Variants in PRKCB observed in about 807,000 individuals in gnomAD.
PRKCB encodes the protein protein kinase C beta type.
PRKCB carries 13 observed loss-of-function variants against 81.5 expected under a neutral mutation model. The ratio of observed to expected loss-of-function variants is 0.16; its 90% CI spans 0.10 to 0.25. PRKCB has a LOEUF of 0.25. Among genes scored for constraint, PRKCB ranks in the 10% least tolerant of loss-of-function variants. The pLI is 1.00. For synonymous variants in PRKCB, 335 were observed against 321.4 expected (o/e 1.04, Z -0.45); for missense variants, 509 against 875.7 (o/e 0.58, Z 5.29).
intron 16 of PRKCB, among the ~76,000 whole-genome samples, chr16:24,213,514 T>A (rs914359811): frequency 1.3e-5 from 2 of 152,132 alleles, no homozygotes; most frequent in African/African-American, 4.8e-5. Context: ...ATTGGGAAGA[T>A]TAAATAAGGT....
intron 5 of PRKCB, among the ~76,000 whole-genome samples, chr16:24,076,394 AG>A (rs1238853935): frequency 4.6e-5 from 7 of 152,178 alleles, no homozygotes; most frequent in African/African-American, 1.7e-4. Flanking sequence ...TGGAGCAAAA[AG>A]GGGGCCTTAT....
intron 2 of PRKCB, among the ~76,000 whole-genome samples, chr16:23,910,722 T>A (rs1963638591): frequency 6.6e-6 from 1 of 152,206 alleles, no homozygotes; most frequent in Non-Finnish European, 1.5e-5. Context: ...TCAGTGGTTT[T>A]AAACATATTT....
chr16:23,878,679 C>A (rs1039825658), intron 2 of PRKCB, among the ~76,000 whole-genome samples: 6 of 152,168 alleles, frequency 3.9e-5, no homozygotes, highest in Non-Finnish European at 4.4e-5. Flanking sequence ...CATGAAAGAA[C>A]CTTGAGTATG....
chr16:23,886,516 G>A (rs985300026), intron 2 of PRKCB, among the ~76,000 whole-genome samples: 5 of 142,148 alleles, frequency 3.5e-5, no homozygotes, highest in Admixed American at 1.5e-4. Flanking sequence ...GGGTTCAACC[G>A]ATTCTTCTGC....
At chr16:24,009,987 A>C (rs1237177189) in intron 3 of PRKCB, among the ~76,000 whole-genome samples, 1 of 152,190 alleles carries the variant, frequency 6.6e-6, no homozygotes, top group African/African-American at 2.4e-5. Context: ...TGGGTAACAG[A>C]GCAAGACTCC....
At chr16:24,051,661 G>T (rs111480271) in intron 5 of PRKCB, among the ~76,000 whole-genome samples, 3 of 151,568 alleles carry the variant, frequency 2.0e-5, no homozygotes, top group Non-Finnish European at 1.5e-5. Flanking sequence ...ATCACTTGAG[G>T]CAAGGAGTTT....
chr16:24,141,091 T>C lies in PRKCB; in HGVS notation c.1066-13593T>C, dbSNP rs534908041. Among the ~76,000 whole-genome samples, 9 of 152,376 alleles carry C rather than the reference T, an allele frequency of 5.9e-5. No individual in the cohort carries two copies. In the South Asian group the frequency reaches 1.9e-3, roughly 32 times the overall value. On this transcript the variant is annotated intron_variant, in intron 9 of 16. Transcript: ENST00000643927. ...TAAGCTGTTAACATGCCTTATGTCA[T>C]GAAATCATCATCATGGCCCTACTAA...
At chr16:23,922,283 G>A (rs1331231162) in intron 2 of PRKCB, among the ~76,000 whole-genome samples, 1 of 152,222 alleles carries the variant, frequency 6.6e-6, no homozygotes, top group African/African-American at 2.4e-5. Flanking sequence ...GAATTGAATA[G>A]TGGGTGTTTT....
intron 5 of PRKCB, 64 bp from the exon 6 acceptor site, chr16:24,092,727 G>T: frequency 6.8e-7 from 1 of 1,476,810 alleles, no homozygotes; most frequent in South Asian, 1.3e-5. Context: ...TTCTGCAGCT[G>T]TCACTGCTTG....
At position 24,145,766 on chromosome 16, in the gene PRKCB, G is replaced by A. The variant is rs114956794; in HGVS notation, c.1066-8918G>A. 4.8e-3 allele frequency among the ~76,000 whole-genome samples: 732 copies of A among 152,336 alleles called. 7 individuals carry two copies. The highest frequency in any genetic ancestry group is 0.016 in the African/African-American group (664 of 41,574). On this transcript the variant is annotated intron_variant, in intron 9 of 16. Coordinates refer to ENST00000643927, the MANE Select transcript of PRKCB (RefSeq NM_002738.7). The stretch of plus-strand genomic sequence containing the variant: ...TGCTCCCTCAGGACAAAGCTCCCGG[G>A]CCAGTTGAAAACCGGAGGTTGGTGC...
chr16:24,021,019 T>TCCCTCCCTCCCTCCCTC, intron 3 of PRKCB, among the ~76,000 whole-genome samples: 17 of 133,628 alleles, frequency 1.3e-4, no homozygotes, highest in South Asian at 7.1e-4. Context: ...TTTCTTTCTT[T>TCCCTCCCTCCCTCCCTC]CTTTCTTTCT....
At chr16:24,130,825 G>C (rs1371719981) in intron 9 of PRKCB, among the ~76,000 whole-genome samples, 1 of 152,148 alleles carries the variant, frequency 6.6e-6, no homozygotes, top group Admixed American at 6.5e-5. Flanking sequence ...CTCTATTAGA[G>C]AAAATATAGC....
At chr16:24,106,442 G>T (rs1281632670) in intron 7 of PRKCB, among the ~76,000 whole-genome samples, 3 of 152,222 alleles carry the variant, frequency 2.0e-5, no homozygotes, top group African/African-American at 4.8e-5. Context: ...TGACCCTATA[G>T]AGAGAGAGAG....
chr16:24,192,369 G>A (rs1967806962), intron 16 of PRKCB, among the ~76,000 whole-genome samples: 1 of 152,216 alleles, frequency 6.6e-6, no homozygotes, highest in Admixed American at 6.5e-5. Context: ...TATTCCTTAA[G>A]ATAACATCTG....
At chr16:24,086,925 C>T (rs1274202812) in intron 5 of PRKCB, among the ~76,000 whole-genome samples, 1 of 152,078 alleles carries the variant, frequency 6.6e-6, no homozygotes, top group East Asian at 1.9e-4. Flanking sequence ...GACATAATCT[C>T]AAAATGACAG....
chr16:24,061,147 G>A (rs562876946), intron 5 of PRKCB, among the ~76,000 whole-genome samples: 5 of 151,794 alleles, frequency 3.3e-5, no homozygotes, highest in East Asian at 1.9e-4. Flanking sequence ...TGCAACCTCC[G>A]CCTCCCGAAT....
intron 5 of PRKCB, among the ~76,000 whole-genome samples, chr16:24,056,993 G>A (rs10852259): frequency 0.32 from 48,242 of 152,020 alleles, 9,206 homozygotes; most frequent in African/African-American, 0.54. Flanking sequence ...AGATTCAAAC[G>A]TGTCTTTCCC....
intron 9 of PRKCB, 148 bp downstream of exon 9, chr16:24,124,129 A>G (rs1168705816): frequency 1.7e-5 from 17 of 1,008,296 alleles, no homozygotes; most frequent in Non-Finnish European, 1.5e-6. Context: ...GAATACCATG[A>G]AGGAAATGAA....
chr16:24,057,501 G>A (rs1263145033), intron 5 of PRKCB, among the ~76,000 whole-genome samples: 2 of 152,158 alleles, frequency 1.3e-5, no homozygotes, highest in Admixed American at 1.3e-4. Context: ...TCTTCTGTAT[G>A]GGAGGTCATT....
Sources: gnomAD v4.1 joint callset for allele counts (sites outside exome capture counted in the v4.1 genomes callset) on GRCh38, gnomAD v4.1.1 for gene constraint, MANE v1.5 for transcripts, NCBI Gene and HGNC (gene_info 2026-07-23, HGNC 2026-07-21) for gene names.